Variants in PPFIA3 observed in about 807,000 individuals in gnomAD.
The protein encoded by PPFIA3 is PPFI scaffold protein A3.
Under a neutral mutation model 145.8 loss-of-function variants are expected in PPFIA3, and 26 were observed. The observed-to-expected ratio is 0.18, with a 90% CI of 0.13 to 0.25. The LOEUF is 0.25. PPFIA3 is among the 10% of genes least tolerant of loss of function. The probability of loss-of-function intolerance (pLI) is 1.00; values close to 1 mark genes in which losing one functional copy is unlikely to be tolerated. For synonymous variants in PPFIA3, 645 were observed against 661.4 expected (o/e 0.98, Z 0.38); for missense variants, 1,008 against 1,587.8 (o/e 0.63, Z 6.21).
chr19:49,142,060 G>A lies in PPFIA3; in HGVS notation c.2489G>A (p.Arg830His). 2.5e-6 allele frequency: 4 copies of A among 1,574,844 alleles called. No individual in the cohort carries two copies. The highest frequency in any genetic ancestry group is 1.9e-5 in the Admixed American group (1 of 53,518). Residue 830 changes from arginine (R) to histidine (H), a missense_variant, in exon 20 of 30, where the codon CGC becomes CAC. Transcript: ENST00000334186. ...CATGAACTCCTGGAGGAGGCCTGCC[G>A]CCAGGGCCTACCTTTTGCTGCCTGG... ...RKHELLEEAC[R>H]QGLPFAAWDG...
rs1164359901 is a variant in PPFIA3, at chr19:49,120,674, C to T, written c.-16+952C>T. 1.3e-5 allele frequency among the ~76,000 whole-genome samples: 2 copies of T among 152,206 alleles called. No individual in the cohort carries two copies. The highest frequency in any genetic ancestry group is 2.9e-5 in the Non-Finnish European group (2 of 68,042). ...TCCCCGAGGGACTCAGGCGCCATGA[C>T]TCCTTTCCTTTGGGGGACCCGGAAT... On this transcript the variant is annotated intron_variant, in intron 1 of 29. Coordinates refer to ENST00000334186, the MANE Select transcript of PPFIA3 (RefSeq NM_003660.4). This position sits in a 1 kb window ranked among gnomAD's most constrained non-coding sequence, Gnocchi z 4.6.
At chr19:49,144,955 G>A (rs2041264420) in intron 21 of PPFIA3, among the ~76,000 whole-genome samples, 1 of 144,086 alleles carries the variant, frequency 6.9e-6, no homozygotes. Flanking sequence ...TTTTGAGATG[G>A]AGTTTCACTC....
In PPFIA3 at chr19:49,130,919, T is replaced by G. The variant is rs1276181476; in HGVS notation, c.879+320T>G. Among the ~76,000 whole-genome samples, 1 of 151,954 alleles carries G rather than the reference T, an allele frequency of 6.6e-6. No individual in the cohort carries two copies. The highest frequency in any genetic ancestry group is 1.9e-4 in the East Asian group (1 of 5,188). On this transcript the variant is annotated intron_variant, in intron 7 of 29. Transcript: ENST00000334186. The surrounding 1 kb of genome is among the most constrained non-coding windows in gnomAD (Gnocchi z 4.5). ...CTGTGTCGCCCAGGCTGGAGTGCAGTGGCGTGATCTTGGCTTACTGCCACC... is the reference window on the plus strand; with the variant it reads ...CTGTGTCGCCCAGGCTGGAGTGCAGGGGCGTGATCTTGGCTTACTGCCACC...
Position 49,140,074 on chromosome 19 carries a change from A to T in PPFIA3, c.2354A>T (p.Asp785Val). ...EKGRMGPPGR[D>V]SSSLAGTPSD... is the part of the protein sequence containing the mutation. ...GGACGAATGGGACCCCCAGGCCGGGACAGCTCTTCTCTGGGTGAGTACCTC... is the reference window on the plus strand; with the variant it reads ...GGACGAATGGGACCCCCAGGCCGGGTCAGCTCTTCTCTGGGTGAGTACCTC... Residue 785 changes from aspartate to valine, a missense_variant, in exon 18 of 30, where the codon GAC (aspartate) becomes GTC (valine). Transcript: ENST00000334186. 6.2e-7 allele frequency: 1 copy of T among 1,614,026 alleles called. No individual in the cohort carries two copies. Among genetic ancestry groups the T allele is most frequent in the Non-Finnish European group, 8.5e-7 (1 of 1,180,034 alleles).
In PPFIA3 at chr19:49,149,120, C is replaced by A. The variant is rs762803084; in HGVS notation, c.3237C>A (p.Asp1079Glu). 4 of 1,614,158 alleles carry A rather than the reference C, an allele frequency of 2.5e-6. No homozygotes were observed. The highest frequency in any genetic ancestry group is 2.5e-6 in the Non-Finnish European group (3 of 1,180,028). Residue 1079 changes from aspartate to glutamate, a missense_variant, in exon 26 of 30, where the codon GAC (aspartate) becomes GAA (glutamate). Asp to Glu is a conservative substitution (Grantham distance 45, BLOSUM62 2). Transcript: ENST00000334186. This position sits in a 1 kb window ranked among gnomAD's most constrained non-coding sequence, Gnocchi z 5.7. ...TGCTCGCCCTGGACGAGACCTTCGA[C>A]TACTCCGACCTGGCCTTGCTCCTGC... The part of the protein sequence containing the change: ...GALLALDETF[D>E]YSDLALLLQI...
intron 20 of PPFIA3, among the ~76,000 whole-genome samples, chr19:49,142,472 C>T (rs2041234423): frequency 6.6e-6 from 1 of 151,952 alleles, no homozygotes; most frequent in Admixed American, 6.6e-5. Context: ...ATCGCCCTGC[C>T]GATGTCTCCC....
chr19:49,128,548 G>A lies in PPFIA3; in HGVS notation c.342+80G>A. 7.5e-7 allele frequency: 1 copy of A among 1,325,302 alleles called. No individual in the cohort carries two copies. Among genetic ancestry groups the A allele is most frequent in the Non-Finnish European group, 1.1e-6 (1 of 935,770 alleles). 82.1% of individuals were successfully genotyped at this position (1,325,302 alleles called of 1,614,324 possible). On this transcript the variant is annotated intron_variant, in intron 3 of 29. Transcript: ENST00000334186. This position sits in a 1 kb window ranked among gnomAD's most constrained non-coding sequence, Gnocchi z 4.1. ...GTGGGGGGCGGGGCCTCTCAGTGTT[G>A]CAGCGTGACCTATTTTTTTCCCCCA...
chr19:49,130,006 G>C lies in PPFIA3; in HGVS notation c.596G>C (p.Arg199Pro). The C allele has an allele frequency of 6.2e-7, 1 of 1,613,716 alleles. No homozygotes were observed. The change falls in exon 6 of 30, where the codon CGA (arginine) becomes CCA (proline). Residue 199 changes from arginine (R) to proline (P), a missense_variant. This residue lies in a region of PPFIA3 where 136 missense variants were observed against 160.7 expected (regional missense o/e 0.85). Coordinates refer to ENST00000334186, the MANE Select transcript of PPFIA3 (RefSeq NM_003660.4). This position sits in a 1 kb window ranked among gnomAD's most constrained non-coding sequence, Gnocchi z 4.5. ...ELSNQETLNL[R>P]EQLSRRRSGL... Reference sequence around the variant, plus strand: ...TCACACTTCCAGACTCTGAACCTTCGAGAACAGCTGTCTAGGCGGCGGTCA... The same window carrying C: ...TCACACTTCCAGACTCTGAACCTTCCAGAACAGCTGTCTAGGCGGCGGTCA...
At chr19:49,140,683 C>T (rs1257974907) in intron 18 of PPFIA3, among the ~76,000 whole-genome samples, 3 of 94,296 alleles carry the variant, frequency 3.2e-5, no homozygotes, top group African/African-American at 4.5e-5. Flanking sequence ...GAGACGGAGT[C>T]TTGCTCTGTC....
rs1487288890 is a variant in PPFIA3, at chr19:49,133,537, C to T, written c.1161+166C>T. 6.6e-6 allele frequency among the ~76,000 whole-genome samples: 1 copy of T among 151,908 alleles called. No individual in the cohort carries two copies. Among genetic ancestry groups the T allele is most frequent in the African/African-American group, 2.4e-5 (1 of 41,324 alleles). ...GGACAGGACTTGGAATGGGGAGGGC[C>T]TGGAGGTTTGCGCGGGGGACGGATG... On this transcript the variant is annotated intron_variant, in intron 9 of 29. Transcript: ENST00000334186. This position sits in a 1 kb window ranked among gnomAD's most constrained non-coding sequence, Gnocchi z 7.2.
At chr19:49,141,986 G>A in intron 19 of PPFIA3, 48 bp from the exon 20 acceptor site, 1 of 1,470,282 alleles carries the variant, frequency 6.8e-7, no homozygotes, top group South Asian at 1.2e-5. Context: ...ACAGAGCAGG[G>A]GGTCTCCATC....
chr19:49,145,929 TCCCTGCCC>T lies in PPFIA3; in HGVS notation c.2746-12_2746-5del. On this transcript the variant is annotated splice_polypyrimidine_tract_variant and splice_region_variant and intron_variant, in intron 21 of 29. Transcript: ENST00000334186. The stretch of plus-strand genomic sequence containing the variant: ...GCCCTCTCCCACCATCCATTAACAC[TCCCTGCCC>T]CTCAGTCCACAGGAAACGTGTGGAT... 1 of 1,613,182 alleles carries T rather than the reference TCCCTGCCC, an allele frequency of 6.2e-7. No individual in the cohort carries two copies. The highest frequency in any genetic ancestry group is 8.5e-7 in the Non-Finnish European group (1 of 1,179,312).
chr19:49,132,980 G>T, intron 7 of PPFIA3, 21 bp from the exon 8 acceptor site: 1 of 1,606,268 alleles, frequency 6.2e-7, no homozygotes, highest in Non-Finnish European at 8.5e-7. Context: ...CAGTCCACGG[G>T]GCCCTTTGCT....
In PPFIA3 at chr19:49,130,619, G is replaced by A; in HGVS notation, c.879+20G>A. On this transcript the variant is annotated intron_variant, in intron 7 of 29. Coordinates refer to ENST00000334186, the MANE Select transcript of PPFIA3 (RefSeq NM_003660.4). This position sits in a 1 kb window ranked among gnomAD's most constrained non-coding sequence, Gnocchi z 4.5. ...AAGGAGGTGAGGCCCCCAGGGAGGCGGGCTGCCCTGGGTCCCTCGCCTTTC... is the reference window on the plus strand; with the variant it reads ...AAGGAGGTGAGGCCCCCAGGGAGGCAGGCTGCCCTGGGTCCCTCGCCTTTC... 1 of 1,542,366 alleles carries A rather than the reference G, an allele frequency of 6.5e-7. No individual in the cohort carries two copies. The highest frequency in any genetic ancestry group is 8.8e-7 in the Non-Finnish European group (1 of 1,142,502).
rs2041275828 is a variant in PPFIA3, at chr19:49,146,024, C to T, written c.2808+19C>T. The T allele has an allele frequency of 6.8e-6, 11 of 1,613,374 alleles. No individual in the cohort carries two copies. The East Asian group carries it at 1.1e-4, about 16-fold the overall frequency. On this transcript the variant is annotated intron_variant, in intron 22 of 29. Coordinates refer to ENST00000334186, the MANE Select transcript of PPFIA3 (RefSeq NM_003660.4). The stretch of plus-strand genomic sequence containing the variant: ...CAAGCCCGTGAGTGCCCCCTGCCGG[C>T]CGCCTTGGGGGTGGCACTAACCTTC...
chr19:49,122,645 CCCTGTTTT>C (rs1368665649), intron 1 of PPFIA3, among the ~76,000 whole-genome samples: 15 of 151,886 alleles, frequency 9.9e-5, no homozygotes, highest in African/African-American at 3.4e-4. Flanking sequence ...TTCCCTGTTT[CCCTGTTTT>C]AGGTTCTAAG....
chr19:49,146,335 C>A, intron 23 of PPFIA3, 143 bp downstream of exon 23: 1 of 1,067,826 alleles, frequency 9.4e-7, no homozygotes, highest in Non-Finnish European at 1.3e-6. Context: ...TGGCTCTGGA[C>A]TGTTCCATTA....
At position 49,120,256 on chromosome 19, in the gene PPFIA3, AG is replaced by A. The variant is rs933001397; in HGVS notation, c.-16+539del. Among the ~76,000 whole-genome samples the A allele has an allele frequency of 6.6e-6, 1 of 151,584 alleles. No homozygotes were observed. Among genetic ancestry groups the A allele is most frequent in the African/African-American group, 2.4e-5 (1 of 41,284 alleles). ...CCACCTCCTGCCGCCGCCACCAGGGAGGGGGCGCAGGCGGCGCGGGGATCCC... is the reference window on the plus strand; with the variant it reads ...CCACCTCCTGCCGCCGCCACCAGGGAGGGGCGCAGGCGGCGCGGGGATCCC... On this transcript the variant is annotated intron_variant, in intron 1 of 29. Coordinates refer to ENST00000334186, the MANE Select transcript of PPFIA3 (RefSeq NM_003660.4). The surrounding 1 kb of genome is among the most constrained non-coding windows in gnomAD (Gnocchi z 4.6).
intron 11 of PPFIA3, 37 bp from the exon 12 acceptor site, chr19:49,134,602 C>G (rs376660662): frequency 1.2e-6 from 2 of 1,600,948 alleles, no homozygotes; most frequent in African/African-American, 2.7e-5. Flanking sequence ...CGTGGCCCCT[C>G]AGGCCTCACT....
Sources: allele counts gnomAD v4.1 joint callset (sites outside exome capture counted in the v4.1 genomes callset), GRCh38; gene constraint gnomAD v4.1.1; regional missense constraint gnomAD v4.1.1; non-coding constraint Gnocchi (gnomAD v3.1); transcripts MANE v1.5; gene names NCBI Gene and HGNC (gene_info 2026-07-23, HGNC 2026-07-21).